SYBU: variants seen among roughly 807,000 people sequenced by gnomAD.
SYBU encodes syntabulin.
In SYBU, 21 loss-of-function variants were observed where a neutral mutation model predicts 35.9. That is an observed-to-expected ratio of 0.58 (90% CI 0.41 to 0.84). The LOEUF (loss-of-function observed/expected upper bound fraction) is 0.84, where lower values mean the gene tolerates loss of function less well. SYBU is among the 40% of genes least tolerant of loss of function. The probability of loss-of-function intolerance (pLI) is 0.00; values close to 1 mark genes in which losing one functional copy is unlikely to be tolerated. For synonymous variants in SYBU, 319 were observed against 324.3 expected (o/e 0.98, Z 0.18); for missense variants, 768 against 848.2 (o/e 0.91, Z 1.17).
intron 3 of SYBU, among the ~76,000 whole-genome samples, chr8:109,587,504 A>AG (rs1823755429): frequency 6.6e-6 from 1 of 152,214 alleles, no homozygotes; most frequent in Non-Finnish European, 1.5e-5. Context: ...AGGAAGAAGC[A>AG]GGGGAACAGG....
rs141035569 is a variant in SYBU, at chr8:109,613,670, C to A, written c.427+5172G>T. On this transcript the variant is annotated intron_variant, in intron 3 of 6. Transcript: ENST00000276646. ...CAAGTTATTACAAGAATGGCCTACT[C>A]TAGGTAAGTTGTCTAGCTGTTTTAT... is the stretch of plus-strand genomic sequence containing the variant. 4.8e-4 allele frequency among the ~76,000 whole-genome samples: 73 copies of A among 152,332 alleles called. 2 individuals are homozygous for A. In the East Asian group the frequency reaches 0.012, roughly 25 times the overall value.
upstream of SYBU, among the ~76,000 whole-genome samples, chr8:109,684,570 G>T (rs1817477490): frequency 6.6e-6 from 1 of 152,150 alleles, no homozygotes; most frequent in Admixed American, 6.5e-5. Context: ...GTTTGATATT[G>T]GTCTTGTTGG....
rs569357702 is a variant in SYBU, at chr8:109,669,554, A to G, written c.-129+11157T>C. Reference sequence around the variant, plus strand: ...ATGTCAGGTTTGGTTCAAACACTATATGTTTTAATATCTGGAGTGCAAGTA... The same window carrying G: ...ATGTCAGGTTTGGTTCAAACACTATGTGTTTTAATATCTGGAGTGCAAGTA... On this transcript the variant is annotated intron_variant, in intron 1 of 5. Coordinates refer to the SYBU transcript ENST00000408889. Among the ~76,000 whole-genome samples the G allele has an allele frequency of 7.9e-5, 12 of 152,234 alleles. No individual in the cohort carries two copies. In the South Asian group the frequency reaches 2.3e-3, roughly 29 times the overall value.
rs112713226 is a variant in SYBU at position 109,577,746 on chromosome 8, A to C, written c.884+122T>G. ...CTCTTTTCAGAGGCTGACTTTAAAA[A>C]TTTGACCAAAATTGAATACAATCAT... On this transcript the variant is annotated intron_variant, in intron 6 of 6. Transcript: ENST00000276646. 10,949 of 1,166,408 alleles carry C rather than the reference A, an allele frequency of 9.4e-3. 76 individuals carry two copies. Among genetic ancestry groups the C allele is most frequent in the South Asian group, 0.014 (761 of 53,950 alleles). The allele number at this position is 1,166,408 out of a possible 1,614,324, so 72.3% of individuals were successfully genotyped here. A position where few individuals can be genotyped will look rare whatever the true frequency, so the allele number is the denominator to read the frequency against.
intron 6 of SYBU, among the ~76,000 whole-genome samples, chr8:109,576,619 T>A (rs1290992800): frequency 1.3e-5 from 2 of 152,306 alleles, no homozygotes; most frequent in East Asian, 3.9e-4. Context: ...ATGCTACACG[T>A]GGCAGGGACT....
At chr8:109,668,290 A>G (rs1403984273) in intron 1 of SYBU, among the ~76,000 whole-genome samples, 1 of 151,926 alleles carries the variant, frequency 6.6e-6, no homozygotes, top group Non-Finnish European at 1.5e-5. Context: ...TGGTTCTCAC[A>G]TCTTACTGAA....
chr8:109,602,126 C>G (rs1263395978), intron 3 of SYBU, among the ~76,000 whole-genome samples: 2 of 152,006 alleles, frequency 1.3e-5, no homozygotes, highest in Non-Finnish European at 1.5e-5. Context: ...TGTATGGGTT[C>G]AAAATCATTT....
intron 3 of SYBU, among the ~76,000 whole-genome samples, chr8:109,592,197 A>G (rs1824360463): frequency 6.6e-6 from 1 of 152,350 alleles, no homozygotes; most frequent in African/African-American, 2.4e-5. Flanking sequence ...AAAAAGACCT[A>G]TAATAGGAAA....
At chr8:109,646,883 C>T (rs1448188809), upstream of SYBU, 1 of 152,198 alleles carries the variant, frequency 6.6e-6, no homozygotes, top group Non-Finnish European at 1.5e-5. Context: ...AATCTGATTA[C>T]TTCTGTCCAC....
At chr8:109,666,060 C>T (rs746430931) in intron 1 of SYBU, among the ~76,000 whole-genome samples, 3 of 152,122 alleles carry the variant, frequency 2.0e-5, no homozygotes, top group Non-Finnish European at 2.9e-5. Flanking sequence ...ACATTAGAAT[C>T]TGAGTAAATA....
intron 1 of SYBU, 29 bp downstream of exon 1, chr8:109,644,607 C>T: frequency 6.5e-7 from 1 of 1,544,532 alleles, no homozygotes; most frequent in East Asian, 2.4e-5. Flanking sequence ...CCCCGCCCTC[C>T]AGTGCCCGCA....
chr8:109,624,200 C>T (rs1016966724), intron 2 of SYBU, among the ~76,000 whole-genome samples: 1 of 152,102 alleles, frequency 6.6e-6, no homozygotes, highest in Non-Finnish European at 1.5e-5. Flanking sequence ...TAAAAAAACA[C>T]ATTACAGAGA....
At chr8:109,613,438 A>G (rs901295310) in intron 3 of SYBU, among the ~76,000 whole-genome samples, 1 of 152,236 alleles carries the variant, frequency 6.6e-6, no homozygotes, top group Non-Finnish European at 1.5e-5. Context: ...CAAGAAGACA[A>G]CAAGTAGCTA....
At chr8:109,658,218 TCA>T (rs1377432172) in intron 1 of SYBU, among the ~76,000 whole-genome samples, 10 of 152,234 alleles carry the variant, frequency 6.6e-5, no homozygotes. Context: ...CTCTGGATTC[TCA>T]CTTTTAGGCC....
At chr8:109,640,885 A>G in intron 2 of SYBU, among the ~76,000 whole-genome samples, 1 of 152,048 alleles carries the variant, frequency 6.6e-6, no homozygotes, top group East Asian at 1.9e-4. Flanking sequence ...AGAGGACAGA[A>G]TAACTTTGTG....
Position 109,575,523 on chromosome 8 carries a change from C to T in SYBU, c.1375G>A (p.Val459Met), listed in dbSNP as rs755804798. Residue 459 changes from valine (V) to methionine (M), a missense_variant, in exon 7 of 7, where the codon GTG (valine) becomes ATG (methionine). Coordinates refer to ENST00000276646, the MANE Select transcript of SYBU (RefSeq NM_001099754.2). ...ACGTTAGCCCCAGGGGTGGAATGCA[C>T]AAGCTCCAGGTCACCAGATTCTGTG... The part of the protein sequence containing the change: ...TTTESGDLEL[V>M]HSTPGANVLE... 9 of 1,614,168 alleles carry T rather than the reference C, an allele frequency of 5.6e-6. No individual in the cohort carries two copies. The highest frequency in any genetic ancestry group is 7.6e-6 in the Non-Finnish European group (9 of 1,180,028).
intron 2 of SYBU, among the ~76,000 whole-genome samples, chr8:109,620,677 C>T (rs561234644): frequency 1.3e-5 from 2 of 152,092 alleles, no homozygotes; most frequent in African/African-American, 2.4e-5. Flanking sequence ...CTGCAGTCTT[C>T]GGGCTCTTTT....
chr8:109,623,672 A>G (rs1390335375), intron 2 of SYBU, among the ~76,000 whole-genome samples: 1 of 152,194 alleles, frequency 6.6e-6, no homozygotes, highest in Non-Finnish European at 1.5e-5. Context: ...GGATATAGTT[A>G]ATAATTATGT....
At position 109,577,287 on chromosome 8, in the gene SYBU, A is replaced by G. The variant is rs185827053; in HGVS notation, c.884+581T>C. 1.5e-3 allele frequency among the ~76,000 whole-genome samples: 230 copies of G among 151,882 alleles called. 1 individual carries two copies. The highest frequency in any genetic ancestry group is 5.4e-3 in the African/African-American group (225 of 41,410). On this transcript the variant is annotated intron_variant, in intron 6 of 6. Coordinates refer to ENST00000276646, the MANE Select transcript of SYBU (RefSeq NM_001099754.2). ...TTCCAAAATGTTCCAGGGGAAAATG[A>G]TCAAGCAGAAAAACTGGCCTGCTGC...
Sources: allele counts gnomAD v4.1 joint callset (sites outside exome capture counted in the v4.1 genomes callset), GRCh38; gene constraint gnomAD v4.1.1; transcripts MANE v1.5; gene names NCBI Gene and HGNC (gene_info 2026-07-23, HGNC 2026-07-21).